Variants in PDZD2 observed in about 807,000 individuals in gnomAD.
PDZD2 encodes PDZ domain-containing protein 2.
Under a neutral mutation model 220.7 loss-of-function variants are expected in PDZD2, and 90 were observed. That is an observed-to-expected ratio of 0.41 (90% CI 0.34 to 0.49). PDZD2 has a LOEUF of 0.49. Among genes scored for constraint, PDZD2 ranks in the 20% least tolerant of loss-of-function variants. The probability of loss-of-function intolerance (pLI) is 0.28; values close to 1 mark genes in which losing one functional copy is unlikely to be tolerated. For missense variants in PDZD2, 3,174 were observed against 3,608.5 expected, an observed-to-expected ratio of 0.88 and a Z score of 3.08; for synonymous variants, 1,375 against 1,450.5, an observed-to-expected ratio of 0.95 and a Z score of 1.18.
At chr5:31,903,660 AAAAGAAAG>A (rs750588620) in intron 2 of PDZD2, among the ~76,000 whole-genome samples, 1 of 114,384 alleles carries the variant, frequency 8.7e-6, no homozygotes, top group East Asian at 2.6e-4. Flanking sequence ...AAAAAAAAAA[AAAAGAAAG>A]AAAAAAGAAA....
chr5:31,706,444 A>C (rs1262267465), intron 1 of PDZD2, among the ~76,000 whole-genome samples: 1 of 152,106 alleles, frequency 6.6e-6, no homozygotes, highest in African/African-American at 2.4e-5. Flanking sequence ...GGGGAGGCGG[A>C]GAAGCACAGT....
chr5:32,022,752 C>T (rs1754324431), intron 6 of PDZD2, among the ~76,000 whole-genome samples: 1 of 152,092 alleles, frequency 6.6e-6, no homozygotes, highest in African/African-American at 2.4e-5. Context: ...TCCAGAAATC[C>T]ACAAAGTCTA....
intron 19 of PDZD2, among the ~76,000 whole-genome samples, chr5:32,079,674 G>T (rs1386971766): frequency 1.3e-5 from 2 of 151,970 alleles, no homozygotes; most frequent in African/African-American, 4.8e-5. Flanking sequence ...AGCTGGGCAT[G>T]TTGGCGGGCG....
intron 14 of PDZD2, among the ~76,000 whole-genome samples, chr5:32,063,585 C>T (rs770624111): frequency 5.3e-5 from 8 of 152,178 alleles, no homozygotes; most frequent in Non-Finnish European, 8.8e-5. Context: ...CTCCCTCCAG[C>T]CAGGGCGATT....
chr5:32,066,638 C>T (rs1038134373), intron 14 of PDZD2, among the ~76,000 whole-genome samples: 2 of 152,312 alleles, frequency 1.3e-5, no homozygotes, highest in African/African-American at 2.4e-5. Context: ...CTAATTCATC[C>T]GTCAGCAATG....
In PDZD2 at chr5:32,088,619, T is replaced by A; in HGVS notation, c.5171T>A (p.Ile1724Asn). The change falls in exon 20 of 25, where the codon ATT (isoleucine) becomes AAT (asparagine). Residue 1724 changes from isoleucine (I) to asparagine (N), a missense_variant. Coordinates refer to ENST00000438447, the MANE Select transcript of PDZD2 (RefSeq NM_178140.4). This position sits in a 1 kb window ranked among gnomAD's most constrained non-coding sequence, Gnocchi z 4.6. ...VARHFHSPPI[I>N]LSSPNMVNGL... ...AGGCATTTTCACAGTCCGCCCATCATTCTCAGCTCCCCCAACATGGTAAAT... is the reference window on the plus strand; with the variant it reads ...AGGCATTTTCACAGTCCGCCCATCAATCTCAGCTCCCCCAACATGGTAAAT... The A allele has an allele frequency of 6.2e-7, 1 of 1,614,174 alleles. No individual in the cohort carries two copies. Among genetic ancestry groups the A allele is most frequent in the Non-Finnish European group, 8.5e-7 (1 of 1,180,014 alleles).
chr5:32,019,450 G>A (rs1235898230), intron 6 of PDZD2, among the ~76,000 whole-genome samples: 1 of 152,146 alleles, frequency 6.6e-6, no homozygotes, highest in Non-Finnish European at 1.5e-5. Context: ...AGCCAGAAAA[G>A]CAAATATTGT....
At chr5:31,741,491 T>C (rs759362272) in intron 1 of PDZD2, among the ~76,000 whole-genome samples, 1 of 152,126 alleles carries the variant, frequency 6.6e-6, no homozygotes, top group African/African-American at 2.4e-5. Context: ...TTCTAGTCTG[T>C]GCAATAAACA....
intron 24 of PDZD2, among the ~76,000 whole-genome samples, chr5:32,104,222 A>G (rs1418045448): frequency 6.6e-6 from 1 of 152,116 alleles, no homozygotes; most frequent in Non-Finnish European, 1.5e-5. Flanking sequence ...CTCGTATTTC[A>G]TATTTACAAA....
At chr5:31,814,733 G>T (rs1037815206) in intron 2 of PDZD2, among the ~76,000 whole-genome samples, 3 of 151,876 alleles carry the variant, frequency 2.0e-5, no homozygotes, top group African/African-American at 4.8e-5. Context: ...CACAAGAATC[G>T]CTTGAACCTG....
intron 2 of PDZD2, among the ~76,000 whole-genome samples, chr5:31,967,176 G>A (rs1178042415): frequency 6.6e-6 from 1 of 152,164 alleles, no homozygotes; most frequent in African/African-American, 2.4e-5. Flanking sequence ...GAGGCAAGCT[G>A]GGGAAATTGT....
At chr5:31,790,338 T>A (rs952520583) in intron 1 of PDZD2, among the ~76,000 whole-genome samples, 3 of 152,162 alleles carry the variant, frequency 2.0e-5, no homozygotes, top group Non-Finnish European at 4.4e-5. Flanking sequence ...CCTCAGGTGA[T>A]CCTCCCACCT....
intron 1 of PDZD2, among the ~76,000 whole-genome samples, chr5:31,662,645 T>C (rs1745812654): frequency 6.6e-6 from 1 of 152,128 alleles, no homozygotes; most frequent in Non-Finnish European, 1.5e-5. Context: ...CCTTTCTTTT[T>C]TTGAGACGGA....
At chr5:31,886,702 CT>C (rs34507635) in intron 2 of PDZD2, among the ~76,000 whole-genome samples, 105 of 129,828 alleles carry the variant, frequency 8.1e-4, no homozygotes, top group South Asian at 1.1e-3. Context: ...GTCTCTGTCT[CT>C]TTTTTTTTTT....
At chr5:31,976,157 C>A (rs1749750170) in intron 2 of PDZD2, among the ~76,000 whole-genome samples, 1 of 152,060 alleles carries the variant, frequency 6.6e-6, no homozygotes. Context: ...GAGAGAGTGC[C>A]CTTGGCAACC....
chr5:31,663,361 G>A (rs1380031103), intron 1 of PDZD2, among the ~76,000 whole-genome samples: 1 of 152,136 alleles, frequency 6.6e-6, no homozygotes, highest in African/African-American at 2.4e-5. Context: ...AAGACCGTTT[G>A]GTAGGACTTT....
chr5:32,090,502 G>A lies in PDZD2; in HGVS notation c.7054G>A (p.Val2352Ile). The A allele has an allele frequency of 1.9e-6, 3 of 1,614,108 alleles. No homozygotes were observed. Among genetic ancestry groups the A allele is most frequent in the Non-Finnish European group, 2.5e-6 (3 of 1,180,036 alleles). ...FENLANADRP[V>I]AKSGASPFLS... is the part of the protein sequence containing the mutation. ...GAACCTGGCCAATGCTGACCGGCCT[G>A]TAGCCAAGTCCGGGGCTTCCCCATT... The change falls in exon 20 of 25, where the codon GTA becomes ATA. Residue 2352 changes from valine (V) to isoleucine (I), a missense_variant. Physicochemically the swap from Val to Ile is conservative, Grantham distance 29. Transcript: ENST00000438447. The surrounding 1 kb of genome is among the most constrained non-coding windows in gnomAD (Gnocchi z 4.3).
chr5:31,864,760 C>T (rs1561521815), intron 2 of PDZD2, among the ~76,000 whole-genome samples: 1 of 150,894 alleles, frequency 6.6e-6, no homozygotes, highest in Non-Finnish European at 1.5e-5. Context: ...CAGGTGATCT[C>T]ACCTCAGACT....
chr5:31,721,262 G>C (rs555991466), intron 1 of PDZD2, among the ~76,000 whole-genome samples: 30 of 152,240 alleles, frequency 2.0e-4, no homozygotes, highest in African/African-American at 6.7e-4. Context: ...GAGTATGCCA[G>C]ATTAGGAAAA....
Sources: allele counts gnomAD v4.1 joint callset (sites outside exome capture counted in the v4.1 genomes callset), GRCh38; gene constraint gnomAD v4.1.1; non-coding constraint Gnocchi (gnomAD v3.1); transcripts MANE v1.5; gene names NCBI Gene and HGNC (gene_info 2026-07-23, HGNC 2026-07-21).